LGSN: variants seen among roughly 807,000 people sequenced by gnomAD.
LGSN encodes lengsin, lens protein with glutamine synthetase domain.
In LGSN, 21 loss-of-function variants were observed where a neutral mutation model predicts 19.5. The observed-to-expected ratio is 1.07, with a 90% CI of 0.76 to 1.55. The LOEUF is 1.55. Among genes scored for constraint, LGSN ranks in the 40% most tolerant of loss-of-function variants. The pLI is 0.00. For missense variants in LGSN, 673 were observed against 608.5 expected (o/e 1.11, Z -1.12); for synonymous variants, 257 against 215.6 (o/e 1.19, Z -1.68).
the LGSN span, among the ~76,000 whole-genome samples, chr6:63,539,425 T>G: frequency 6.6e-6 from 1 of 152,130 alleles, no homozygotes; most frequent in Admixed American, 6.6e-5. Flanking sequence ...ATCCTTCATG[T>G]TTAATCATTA....
rs1404007285 is a variant in LGSN, at chr6:63,277,569, A to AGG, written c.*2451_*2452insCC. The AGG allele has an allele frequency of 1.4e-4, 22 of 152,262 alleles. No homozygotes were observed. Among genetic ancestry groups the AGG allele is most frequent in the African/African-American group, 5.1e-4 (21 of 41,460 alleles). 9.4% of individuals were successfully genotyped at this position (152,262 alleles called of 1,614,324 possible). ...GAATCAAAATCATTGTGGCTTAAAG[A>AGG]AGATAGAAGTTTGGTTCTCTCTCAG... On this transcript the variant is annotated 3_prime_UTR_variant, in exon 4 of 4. Transcript: ENST00000370657.
intron 3 of LGSN, among the ~76,000 whole-genome samples, chr6:63,284,292 T>TAAAC (rs147803778): frequency 0.036 from 5,446 of 152,266 alleles, 327 homozygotes; most frequent in African/African-American, 0.12. Context: ...ATTCTCATGA[T>TAAAC]AAACTTTTTC....
the LGSN span, among the ~76,000 whole-genome samples, chr6:63,364,009 A>T: frequency 6.6e-6 from 1 of 152,230 alleles, no homozygotes; most frequent in Non-Finnish European, 1.5e-5. Flanking sequence ...GCTAGGAAGA[A>T]ACTGCATCAA....
the LGSN span, among the ~76,000 whole-genome samples, chr6:63,329,610 G>A: frequency 6.6e-6 from 1 of 152,186 alleles, no homozygotes; most frequent in Admixed American, 6.5e-5. Flanking sequence ...AAAGTTGTGG[G>A]ATCTTTTAAC....
rs746429742 is a variant in LGSN, at chr6:63,281,202, C to T, written c.349G>A (p.Val117Ile). 6.4e-7 allele frequency: 1 copy of T among 1,555,422 alleles called. No individual in the cohort carries two copies. Among genetic ancestry groups the T allele is most frequent in the Non-Finnish European group, 8.7e-7 (1 of 1,150,732 alleles). The change falls in exon 4 of 4, where the codon GTT (valine) becomes ATT (isoleucine). Residue 117 changes from valine to isoleucine, a missense_variant. By Grantham distance (29) the Val-to-Ile change is conservative. Transcript: ENST00000370657. ...TCAAGATAACCTCGGGGCATGCAAA[C>T]ACCATGGCTCACTTTCTCCTAAAGA... ...HFFQEKVSHG[V>I]CMPRGYLEVI...
the LGSN span, among the ~76,000 whole-genome samples, chr6:63,330,768 T>C: frequency 6.6e-6 from 1 of 152,336 alleles, no homozygotes; most frequent in South Asian, 2.1e-4. Flanking sequence ...GTCCCTTTCT[T>C]CAGCTGTCAT....
intron 1 of LGSN, among the ~76,000 whole-genome samples, chr6:63,314,879 C>A (rs1224126150): frequency 2.0e-5 from 3 of 152,110 alleles, no homozygotes; most frequent in African/African-American, 4.8e-5. Flanking sequence ...CCAATCTGCA[C>A]AGGTAATTAT....
the LGSN span, among the ~76,000 whole-genome samples, chr6:63,506,639 A>C: frequency 6.6e-6 from 1 of 152,190 alleles, no homozygotes; most frequent in African/African-American, 2.4e-5. Context: ...TTGCTAACCC[A>C]GTTATTTTAT....
the LGSN span, among the ~76,000 whole-genome samples, chr6:63,360,489 G>A: frequency 1.5e-4 from 23 of 152,198 alleles, no homozygotes; most frequent in Non-Finnish European, 2.6e-4. Flanking sequence ...CATAGTTCTC[G>A]TGTCATGGTT....
the LGSN span, among the ~76,000 whole-genome samples, chr6:63,375,061 T>C: frequency 6.6e-6 from 1 of 152,244 alleles, no homozygotes; most frequent in African/African-American, 2.4e-5. Context: ...TATAAGACTC[T>C]ATTGTTATTG....
chr6:63,481,253 C>T, the LGSN span, among the ~76,000 whole-genome samples: 2 of 151,988 alleles, frequency 1.3e-5, no homozygotes, highest in African/African-American at 4.8e-5. Flanking sequence ...ATATTAAGTA[C>T]AATATATGCT....
In LGSN at chr6:63,306,782, G is replaced by A. The variant is rs112854494; in HGVS notation, c.31-11737C>T. Among the ~76,000 whole-genome samples the A allele has an allele frequency of 6.1e-3, 929 of 152,318 alleles. 7 individuals are homozygous for A. Among genetic ancestry groups the A allele is most frequent in the African/African-American group, 0.021 (854 of 41,576 alleles). On this transcript the variant is annotated intron_variant, in intron 1 of 3. Transcript: ENST00000370657. ...CCCTTCCCAGGAAGGAGCCAACACA[G>A]GAGTCCAGACAATTGTTGCCATATT...
At chr6:63,324,792 G>C (rs115301881), upstream of LGSN, among the ~76,000 whole-genome samples, 803 of 150,866 alleles carry the variant, frequency 5.3e-3, 9 homozygotes, top group African/African-American at 0.019. Flanking sequence ...GAAGTTGATA[G>C]CAATAAACAC....
intron 1 of LGSN, among the ~76,000 whole-genome samples, chr6:63,308,778 G>A (rs1768504611): frequency 6.6e-6 from 1 of 152,038 alleles, no homozygotes; most frequent in African/African-American, 2.4e-5. Flanking sequence ...AGAAATAGTG[G>A]AAAAAGGGAT....
At chr6:63,505,625 G>GAAAT in the LGSN span, among the ~76,000 whole-genome samples, 746 of 90,148 alleles carry the variant, frequency 8.3e-3, 75 homozygotes, top group African/African-American at 0.018. Context: ...AAGAAAGAAA[G>GAAAT]AAAGAAAGAA....
chr6:63,482,718 G>T, the LGSN span, among the ~76,000 whole-genome samples: 1 of 151,750 alleles, frequency 6.6e-6, no homozygotes, highest in Admixed American at 6.6e-5. Flanking sequence ...TCTTTTTTTT[G>T]GAGACAGGAT....
At chr6:63,418,836 C>A in the LGSN span, among the ~76,000 whole-genome samples, 1 of 152,286 alleles carries the variant, frequency 6.6e-6, no homozygotes, top group South Asian at 2.1e-4. Flanking sequence ...ACCTTATAGA[C>A]AATAGCTACT....
chr6:63,351,434 G>A, the LGSN span, among the ~76,000 whole-genome samples: 2 of 142,170 alleles, frequency 1.4e-5, no homozygotes, highest in African/African-American at 2.5e-5. Context: ...AGAGAGAGAG[G>A]AAGAGAGAGA....
At chr6:63,531,183 T>G in the LGSN span, among the ~76,000 whole-genome samples, 1 of 152,146 alleles carries the variant, frequency 6.6e-6, no homozygotes, top group Admixed American at 6.6e-5. Flanking sequence ...CTGCAAGCAA[T>G]GAGGGCTACC....
Sources: gnomAD v4.1 joint callset for allele counts (sites outside exome capture counted in the v4.1 genomes callset) on GRCh38, gnomAD v4.1.1 for gene constraint, MANE v1.5 for transcripts, NCBI Gene and HGNC (gene_info 2026-07-23, HGNC 2026-07-21) for gene names.